Variants in CNTLN observed in about 807,000 individuals in gnomAD.
The protein encoded by CNTLN is centlein, centrosomal protein.
A neutral mutation model predicts 180.0 loss-of-function variants in CNTLN; 212 were observed. The ratio of observed to expected loss-of-function variants is 1.18; its 90% CI spans 1.05 to 1.32. The LOEUF (loss-of-function observed/expected upper bound fraction) is 1.32, where lower values mean the gene tolerates loss of function less well. Ranked by LOEUF, CNTLN falls within the 40% of genes most tolerant of loss-of-function variation. The probability of loss-of-function intolerance (pLI) is 0.00; values close to 1 mark genes in which losing one functional copy is unlikely to be tolerated. For missense variants in CNTLN, 2,095 were observed against 1,610.9 expected, an observed-to-expected ratio of 1.30 and a Z score of -5.14; for synonymous variants, 722 against 563.1, an observed-to-expected ratio of 1.28 and a Z score of -3.99.
intron 2 of CNTLN, among the ~76,000 whole-genome samples, chr9:17,221,461 C>T (rs2132051235): frequency 6.6e-6 from 1 of 152,094 alleles, no homozygotes; most frequent in South Asian, 2.1e-4. Context: ...ATTAAATGTA[C>T]TATTAACGTA....
intron 3 of CNTLN, among the ~76,000 whole-genome samples, chr9:17,232,141 G>T (rs1337139866): frequency 3.3e-5 from 5 of 151,906 alleles, no homozygotes; most frequent in African/African-American, 1.2e-4. Flanking sequence ...TTTATAGAGG[G>T]TATATTTTAT....
the CNTLN span, among the ~76,000 whole-genome samples, chr9:17,527,085 G>A: frequency 3.8e-4 from 58 of 152,220 alleles, no homozygotes; most frequent in Non-Finnish European, 7.8e-4. Flanking sequence ...GTTTCACCAT[G>A]TTGGCCGGGC....
At chr9:17,186,315 GTC>G (rs1821433517) in intron 2 of CNTLN, among the ~76,000 whole-genome samples, 1 of 152,116 alleles carries the variant, frequency 6.6e-6, no homozygotes, top group Non-Finnish European at 1.5e-5. Context: ...GTCTCAGCAT[GTC>G]TCTTTAGAAA....
chr9:17,355,049 C>T (rs577313057), intron 12 of CNTLN, among the ~76,000 whole-genome samples: 2 of 152,144 alleles, frequency 1.3e-5, no homozygotes, highest in African/African-American at 2.4e-5. Context: ...GGAAGAAACT[C>T]GGAACACATC....
chr9:17,186,041 C>T (rs1821418781), intron 2 of CNTLN, among the ~76,000 whole-genome samples: 1 of 152,146 alleles, frequency 6.6e-6, no homozygotes, highest in South Asian at 2.1e-4. Context: ...ATCCTCCTGC[C>T]TTGGCCTCCC....
intron 2 of CNTLN, among the ~76,000 whole-genome samples, chr9:17,187,461 A>G (rs1821502486): frequency 1.3e-5 from 2 of 152,064 alleles, no homozygotes; most frequent in Non-Finnish European, 2.9e-5. Flanking sequence ...TGGGGTCATT[A>G]TAGAAAATTT....
At chr9:17,192,579 C>A (rs1231981339) in intron 2 of CNTLN, among the ~76,000 whole-genome samples, 2 of 152,146 alleles carry the variant, frequency 1.3e-5, no homozygotes. Context: ...GATGAAGGAA[C>A]TGAGGTACAG....
chr9:17,226,768 G>T (rs1014669197), intron 3 of CNTLN, among the ~76,000 whole-genome samples: 2 of 151,866 alleles, frequency 1.3e-5, no homozygotes, highest in Admixed American at 6.6e-5. Flanking sequence ...TTGGCTTATG[G>T]TTCTGCAGAC....
At chr9:17,142,636 G>T (rs188072524) in intron 1 of CNTLN, among the ~76,000 whole-genome samples, 132 of 152,198 alleles carry the variant, frequency 8.7e-4, no homozygotes, top group African/African-American at 3.0e-3. Flanking sequence ...GTCACCTAGG[G>T]CAGTGGTTCT....
intron 19 of CNTLN, among the ~76,000 whole-genome samples, chr9:17,459,917 C>G (rs1324631381): frequency 6.6e-6 from 1 of 151,704 alleles, no homozygotes; most frequent in Admixed American, 6.6e-5. Context: ...AGAACTTCTA[C>G]ATACTAATTT....
rs534537699 is a variant in CNTLN at position 17,296,781 on chromosome 9, G to A, written c.984-1409G>A. Among the ~76,000 whole-genome samples, 3 of 152,218 alleles carry A rather than the reference G, an allele frequency of 2.0e-5. No individual in the cohort carries two copies. In the South Asian group the frequency reaches 6.2e-4, roughly 32 times the overall value. ...GTTTCAGTTTTTTGAATTGTTACAG[G>A]AAAATTGTGTATATCCATGTATCTG... On this transcript the variant is annotated intron_variant, in intron 6 of 25. Transcript: ENST00000380647.
intron 8 of CNTLN, among the ~76,000 whole-genome samples, chr9:17,327,357 C>T (rs947772137): frequency 9.9e-5 from 15 of 151,658 alleles, no homozygotes; most frequent in African/African-American, 3.4e-4. Context: ...GGACTACAGG[C>T]GTCTGCCACA....
At chr9:17,287,805 G>T (rs1354480254) in intron 6 of CNTLN, among the ~76,000 whole-genome samples, 1 of 147,132 alleles carries the variant, frequency 6.8e-6, no homozygotes, top group Non-Finnish European at 1.5e-5. Flanking sequence ...AGAGGTGTTT[G>T]TAGTATTCTC....
chr9:17,303,337 A>G (rs936770675), intron 7 of CNTLN, among the ~76,000 whole-genome samples: 1 of 152,208 alleles, frequency 6.6e-6, no homozygotes, highest in Admixed American at 6.5e-5. Flanking sequence ...ATGTTGGAAT[A>G]TTTATCCTGA....
chr9:17,277,573 AC>A (rs1160389049), intron 6 of CNTLN, among the ~76,000 whole-genome samples: 1 of 152,074 alleles, frequency 6.6e-6, no homozygotes, highest in Non-Finnish European at 1.5e-5. Flanking sequence ...AAGATATAAG[AC>A]CTAGAAATGA....
intron 2 of CNTLN, among the ~76,000 whole-genome samples, chr9:17,207,178 T>C (rs1191550483): frequency 1.3e-5 from 2 of 152,256 alleles, no homozygotes; most frequent in East Asian, 3.8e-4. Flanking sequence ...CCTGTTTCCA[T>C]TGCAATTTGC....
At chr9:17,463,057 G>C in intron 20 of CNTLN, 44 bp downstream of exon 20, 1 of 1,139,382 alleles carries the variant, frequency 8.8e-7, no homozygotes, top group Non-Finnish European at 1.3e-6. Context: ...GTGCCACCTA[G>C]TGGCAACCAG....
chr9:17,159,879 G>A (rs1397148553), intron 2 of CNTLN, among the ~76,000 whole-genome samples: 1 of 152,148 alleles, frequency 6.6e-6, no homozygotes, highest in Admixed American at 6.5e-5. Context: ...GAGGCTTTAG[G>A]TGATTGTTAA....
intron 2 of CNTLN, chr9:17,167,795 A>C (rs1259477344): frequency 6.6e-6 from 1 of 152,210 alleles, no homozygotes; most frequent in Non-Finnish European, 1.5e-5. Context: ...TTAGCTGTGA[A>C]CCATACATAA....
Sources: gnomAD v4.1 joint callset for allele counts (sites outside exome capture counted in the v4.1 genomes callset) on GRCh38, gnomAD v4.1.1 for gene constraint, MANE v1.5 for transcripts, NCBI Gene and HGNC (gene_info 2026-07-23, HGNC 2026-07-21) for gene names.